The following NCAM2 variants were observed in gnomAD, a reference collection of about 807,000 sequenced individuals.
NCAM2 encodes the protein neural cell adhesion molecule 2, also known as N-CAM-2.
NCAM2 carries 30 observed loss-of-function variants against 98.1 expected under a neutral mutation model. The ratio of observed to expected loss-of-function variants is 0.31; its 90% CI spans 0.23 to 0.41. The LOEUF (loss-of-function observed/expected upper bound fraction) is 0.41, where lower values mean the gene tolerates loss of function less well. NCAM2 is among the 10% of genes least tolerant of loss of function. NCAM2 has a pLI of 1.00. For missense variants in NCAM2, 867 were observed against 1,005.8 expected, an observed-to-expected ratio of 0.86 and a Z score of 1.87; for synonymous variants, 368 against 342.4, an observed-to-expected ratio of 1.07 and a Z score of -0.83.
intron 9 of NCAM2, among the ~76,000 whole-genome samples, chr21:21,384,228 A>G (rs992930160): frequency 1.3e-5 from 2 of 152,006 alleles, no homozygotes; most frequent in Non-Finnish European, 1.5e-5. Flanking sequence ...AATCTTTAAG[A>G]TCACTAAACA....
intron 1 of NCAM2, among the ~76,000 whole-genome samples, chr21:21,053,053 A>G (rs2065142992): frequency 6.6e-6 from 1 of 152,046 alleles, no homozygotes; most frequent in Non-Finnish European, 1.5e-5. Flanking sequence ...CTTCTTATTG[A>G]ATAGTTGAAA....
At chr21:21,262,776 A>G (rs555574540) in intron 1 of NCAM2, among the ~76,000 whole-genome samples, 191 of 152,200 alleles carry the variant, frequency 1.3e-3, no homozygotes, top group Middle Eastern at 3.4e-3. Context: ...AACAAAATAA[A>G]GATATTTAAT....
chr21:21,069,369 T>G (rs1172610058), intron 1 of NCAM2, among the ~76,000 whole-genome samples: 1 of 152,200 alleles, frequency 6.6e-6, no homozygotes, highest in Non-Finnish European at 1.5e-5. Context: ...CCCTTTAGGT[T>G]AAAAATGCGT....
chr21:21,237,841 T>C (rs928548880), intron 1 of NCAM2, among the ~76,000 whole-genome samples: 3 of 152,010 alleles, frequency 2.0e-5, no homozygotes, highest in Admixed American at 6.6e-5. Context: ...CATTACTTGG[T>C]AGTTTTATAC....
intron 12 of NCAM2, among the ~76,000 whole-genome samples, chr21:21,464,476 T>G (rs577561530): frequency 2.2e-4 from 33 of 152,202 alleles, no homozygotes; most frequent in Admixed American, 3.3e-4. Context: ...TTTAAACTCT[T>G]GTTAAAGGAG....
chr21:21,110,063 G>A (rs780122115), intron 1 of NCAM2, among the ~76,000 whole-genome samples: 33 of 152,318 alleles, frequency 2.2e-4, no homozygotes, highest in East Asian at 5.8e-4. Context: ...CCATGAAGGG[G>A]CCAGTTGGGA....
intron 10 of NCAM2, among the ~76,000 whole-genome samples, chr21:21,416,807 C>G (rs1330569009): frequency 6.6e-6 from 1 of 151,928 alleles, no homozygotes; most frequent in African/African-American, 2.4e-5. Flanking sequence ...CACTATTGGA[C>G]TTTAGTTTTA....
At chr21:21,248,776 C>CAAAAAAAAA (rs1171857115) in intron 1 of NCAM2, among the ~76,000 whole-genome samples, 6 of 50,680 alleles carry the variant, frequency 1.2e-4, no homozygotes, top group African/African-American at 1.7e-4. Flanking sequence ...GACTCTGTCT[C>CAAAAAAAAA]AAAAAAAAAA....
chr21:21,285,175 C>G (rs926671559), intron 3 of NCAM2, among the ~76,000 whole-genome samples: 7 of 151,728 alleles, frequency 4.6e-5, no homozygotes, highest in Admixed American at 6.6e-5. Context: ...GCATAAAGTA[C>G]TTACAACAAT....
At chr21:21,407,888 T>G (rs1286237091) in intron 9 of NCAM2, among the ~76,000 whole-genome samples, 1 of 152,210 alleles carries the variant, frequency 6.6e-6, no homozygotes, top group African/African-American at 2.4e-5. Flanking sequence ...ATCAAGAAAT[T>G]TGGCTTCTCT....
intron 10 of NCAM2, among the ~76,000 whole-genome samples, chr21:21,415,820 G>T (rs1261299610): frequency 6.6e-6 from 1 of 152,170 alleles, no homozygotes; most frequent in East Asian, 1.9e-4. Context: ...AGGCATGTTA[G>T]ATCTTTGCTC....
At chr21:21,343,875 G>A (rs1198772018) in intron 8 of NCAM2, among the ~76,000 whole-genome samples, 1 of 152,176 alleles carries the variant, frequency 6.6e-6, no homozygotes, top group Non-Finnish European at 1.5e-5. Context: ...GTGGACTGGT[G>A]TCAGGTGGGG....
intron 10 of NCAM2, among the ~76,000 whole-genome samples, chr21:21,412,112 G>T (rs568133357): frequency 2.6e-5 from 4 of 152,296 alleles, no homozygotes; most frequent in East Asian, 1.9e-4. Flanking sequence ...ACAGAAATTT[G>T]TTCTGAGTTC....
intron 12 of NCAM2, among the ~76,000 whole-genome samples, chr21:21,433,867 G>A (rs763980422): frequency 1.3e-5 from 2 of 152,094 alleles, no homozygotes; most frequent in Non-Finnish European, 2.9e-5. Context: ...TTCCTAAACT[G>A]CATAAAACTC....
At chr21:21,004,934 T>C (rs1428848069) in intron 1 of NCAM2, among the ~76,000 whole-genome samples, 1 of 151,896 alleles carries the variant, frequency 6.6e-6, no homozygotes, top group African/African-American at 2.4e-5. Context: ...GGCTTCAATA[T>C]AGTGAGAGTA....
At chr21:21,182,639 A>T (rs554927271) in intron 1 of NCAM2, among the ~76,000 whole-genome samples, 2 of 152,160 alleles carry the variant, frequency 1.3e-5, no homozygotes, top group African/African-American at 4.8e-5. Context: ...TGGCTTTGAT[A>T]AAATTTATAT....
intron 1 of NCAM2, among the ~76,000 whole-genome samples, chr21:21,265,096 T>TATGTGTCTGTGTATATATATAC (rs2072149825): frequency 1.4e-5 from 1 of 72,360 alleles, no homozygotes; most frequent in African/African-American, 5.3e-5. Flanking sequence ...ATATTATATA[T>TATGTGTCTGTGTATATATATAC]ACATATATAA....
intron 16 of NCAM2, among the ~76,000 whole-genome samples, chr21:21,517,554 T>C (rs1479679019): frequency 6.6e-6 from 1 of 152,128 alleles, no homozygotes; most frequent in Non-Finnish European, 1.5e-5. Context: ...CCTCAGTAAG[T>C]ACTGACTTAA....
intron 15 of NCAM2, among the ~76,000 whole-genome samples, chr21:21,503,982 T>C (rs1249274101): frequency 6.6e-6 from 1 of 151,960 alleles, no homozygotes; most frequent in African/African-American, 2.4e-5. Flanking sequence ...TTTACATTGA[T>C]GTTTTTCATT....
Sources: gnomAD v4.1 joint callset for allele counts (sites outside exome capture counted in the v4.1 genomes callset) on GRCh38, gnomAD v4.1.1 for gene constraint, MANE v1.5 for transcripts, NCBI Gene and HGNC (gene_info 2026-07-23, HGNC 2026-07-21) for gene names.